Variants in SEMA3A observed in about 807,000 individuals in gnomAD.
SEMA3A encodes the protein semaphorin-3A.
Under a neutral mutation model 97.9 loss-of-function variants are expected in SEMA3A, and 29 were observed. The observed-to-expected ratio is 0.30, with a 90% CI of 0.22 to 0.40. The LOEUF is 0.40. Ranked by LOEUF, SEMA3A falls within the 10% of genes least tolerant of loss-of-function variation. The pLI, the probability that SEMA3A is intolerant of heterozygous loss-of-function variation, is 1.00. For synonymous variants in SEMA3A, 321 were observed against 323.7 expected (o/e 0.99, Z 0.09); for missense variants, 763 against 951.3 (o/e 0.80, Z 2.60).
At position 84,217,907 on chromosome 7, in the gene SEMA3A, G is replaced by A. The variant is rs924361216; in HGVS notation, c.-82-23239C>T. 7.9e-4 allele frequency among the ~76,000 whole-genome samples: 120 copies of A among 151,926 alleles called. 1 individual carries two copies. Among genetic ancestry groups the A allele is most frequent in the African/African-American group, 2.6e-3 (109 of 41,456 alleles). On this transcript the variant is annotated intron_variant, in intron 3 of 3. Transcript: ENST00000424555. Reference sequence around the variant, plus strand: ...GCTTGGGTGGGTAACAAAGTAAGACGCCATCTCTACAAAAAATTTAAAAAA... The same window carrying A: ...GCTTGGGTGGGTAACAAAGTAAGACACCATCTCTACAAAAAATTTAAAAAA...
At chr7:84,404,706 C>G (rs898893424) in intron 1 of SEMA3A, among the ~76,000 whole-genome samples, 1 of 152,174 alleles carries the variant, frequency 6.6e-6, no homozygotes, top group Non-Finnish European at 1.5e-5. Flanking sequence ...TTGGCAGAAA[C>G]TCTACAAGCC....
intron 3 of SEMA3A, among the ~76,000 whole-genome samples, chr7:84,114,193 T>C (rs1294894691): frequency 6.6e-6 from 1 of 152,174 alleles, no homozygotes; most frequent in Non-Finnish European, 1.5e-5. Context: ...CCGATAATTA[T>C]ACTTTCTACA....
chr7:84,315,832 C>A (rs941740927), intron 2 of SEMA3A, among the ~76,000 whole-genome samples: 1 of 151,956 alleles, frequency 6.6e-6, no homozygotes, highest in African/African-American at 2.4e-5. Context: ...TACAAATTCA[C>A]TCGATAATCT....
intron 3 of SEMA3A, among the ~76,000 whole-genome samples, chr7:84,279,503 C>T (rs566065464): frequency 6.6e-6 from 1 of 152,128 alleles, no homozygotes; most frequent in Admixed American, 6.5e-5. Context: ...AGGAAATGCT[C>T]TTATTGAAGG....
chr7:84,160,557 G>T (rs1357388699), intron 1 of SEMA3A, among the ~76,000 whole-genome samples: 1 of 149,460 alleles, frequency 6.7e-6, no homozygotes, highest in African/African-American at 2.5e-5. Context: ...TCAAGATAAA[G>T]AAATAAATAA....
chr7:84,103,374 AAG>A (rs1473546098), intron 4 of SEMA3A, among the ~76,000 whole-genome samples: 1 of 152,168 alleles, frequency 6.6e-6, no homozygotes, highest in Non-Finnish European at 1.5e-5. Flanking sequence ...CATAAGCTTC[AAG>A]CAAATGAGGG....
chr7:84,171,745 C>T (rs1028779620), intron 1 of SEMA3A, among the ~76,000 whole-genome samples: 3 of 151,968 alleles, frequency 2.0e-5, no homozygotes, highest in Admixed American at 6.6e-5. Context: ...ACTTGAACTG[C>T]TTTGATTAAA....
chr7:84,079,681 A>G (rs1487602128), intron 4 of SEMA3A, among the ~76,000 whole-genome samples: 6 of 132,260 alleles, frequency 4.5e-5, no homozygotes, highest in African/African-American at 1.9e-4. Flanking sequence ...TAGAATGGCA[A>G]TCATTAAAAA....
At chr7:84,395,370 A>C (rs1440225298) in intron 1 of SEMA3A, among the ~76,000 whole-genome samples, 2 of 150,446 alleles carry the variant, frequency 1.3e-5, no homozygotes, top group Non-Finnish European at 3.0e-5. Flanking sequence ...AAAAAAAAAA[A>C]GTACCATGAG....
At chr7:84,395,495 T>C (rs1037349519) in intron 1 of SEMA3A, among the ~76,000 whole-genome samples, 8 of 152,150 alleles carry the variant, frequency 5.3e-5, no homozygotes, top group African/African-American at 1.7e-4. Context: ...GAATGAGGAT[T>C]GATATGGTTT....
chr7:84,074,194 G>A (rs193052666), intron 4 of SEMA3A, among the ~76,000 whole-genome samples: 1 of 152,130 alleles, frequency 6.6e-6, no homozygotes. Flanking sequence ...TAATCAAACT[G>A]CTTAAACTTG....
chr7:84,441,791 A>G (rs1031270926), intron 1 of SEMA3A, among the ~76,000 whole-genome samples: 5 of 152,212 alleles, frequency 3.3e-5, no homozygotes, highest in African/African-American at 1.2e-4. Flanking sequence ...AGTAAAATAG[A>G]TGTGACTGGT....
At chr7:84,452,087 C>T (rs1354500354) in intron 1 of SEMA3A, among the ~76,000 whole-genome samples, 1 of 151,926 alleles carries the variant, frequency 6.6e-6, no homozygotes, top group Non-Finnish European at 1.5e-5. Flanking sequence ...TTAAATATAG[C>T]TTTAACATCC....
At chr7:84,453,460 T>C (rs1805613325) in intron 1 of SEMA3A, among the ~76,000 whole-genome samples, 1 of 151,940 alleles carries the variant, frequency 6.6e-6, no homozygotes, top group Non-Finnish European at 1.5e-5. Context: ...ATGGTCTCGA[T>C]CTCCTGACCT....
chr7:84,351,187 C>T (rs1321492878), intron 2 of SEMA3A, among the ~76,000 whole-genome samples: 1 of 151,912 alleles, frequency 6.6e-6, no homozygotes, highest in Non-Finnish European at 1.5e-5. Context: ...TATATAAAGT[C>T]AATGCCAACA....
chr7:84,316,821 A>C (rs1455266561), intron 2 of SEMA3A, among the ~76,000 whole-genome samples: 2 of 152,160 alleles, frequency 1.3e-5, no homozygotes, highest in Admixed American at 6.5e-5. Flanking sequence ...GGGCGCCCAC[A>C]ATCAAGCCGA....
chr7:84,296,658 A>T (rs1178187085), intron 3 of SEMA3A, among the ~76,000 whole-genome samples: 1 of 152,130 alleles, frequency 6.6e-6, no homozygotes, highest in Non-Finnish European at 1.5e-5. Context: ...GATGTCCTGA[A>T]ACATTTTTAT....
chr7:84,054,328 T>C (rs1325651294), intron 5 of SEMA3A, among the ~76,000 whole-genome samples: 2 of 152,208 alleles, frequency 1.3e-5, no homozygotes, highest in African/African-American at 2.4e-5. Flanking sequence ...GGTTCCATTC[T>C]CCCCGTCACT....
intron 4 of SEMA3A, among the ~76,000 whole-genome samples, chr7:84,077,213 G>C (rs1326701058): frequency 1.3e-5 from 2 of 152,048 alleles, no homozygotes; most frequent in African/African-American, 4.8e-5. Flanking sequence ...AAAAAGTAAA[G>C]TAATAGAACA....
Sources: allele counts gnomAD v4.1 joint callset (sites outside exome capture counted in the v4.1 genomes callset), GRCh38; gene constraint gnomAD v4.1.1; transcripts MANE v1.5; gene names NCBI Gene and HGNC (gene_info 2026-07-23, HGNC 2026-07-21).